FGF14: variants seen among roughly 807,000 people sequenced by gnomAD.
FGF14 encodes fibroblast growth factor homologous factor 4.
A neutral mutation model predicts 25.5 loss-of-function variants in FGF14; 5 were observed. The observed-to-expected ratio is 0.20, with a 90% CI of 0.10 to 0.41. The LOEUF is 0.41. Ranked by LOEUF, FGF14 falls within the 10% of genes least tolerant of loss-of-function variation. The pLI is 1.00. For synonymous variants in FGF14, 138 were observed against 118.3 expected (o/e 1.17, Z -1.08); for missense variants, 222 against 320.1 (o/e 0.69, Z 2.34).
At chr13:102,348,799 T>C (rs568174446) in intron 1 of FGF14, among the ~76,000 whole-genome samples, 7 of 152,272 alleles carry the variant, frequency 4.6e-5, no homozygotes, top group South Asian at 2.1e-4. Context: ...TAGCCGGGTG[T>C]TGGGTTTGTA....
chr13:101,860,106 T>C (rs1162196736), intron 3 of FGF14, among the ~76,000 whole-genome samples: 1 of 152,100 alleles, frequency 6.6e-6, no homozygotes, highest in Admixed American at 6.6e-5. Context: ...GATTTCTCCT[T>C]TGAGCTTTAC....
At chr13:102,216,826 A>T (rs2050395125) in intron 1 of FGF14, among the ~76,000 whole-genome samples, 3 of 152,114 alleles carry the variant, frequency 2.0e-5, no homozygotes, top group African/African-American at 4.8e-5. Flanking sequence ...GACCCTCCCT[A>T]GCCTCTAGCA....
At chr13:101,787,373 G>A (rs768857446) in intron 3 of FGF14, among the ~76,000 whole-genome samples, 6 of 152,174 alleles carry the variant, frequency 3.9e-5, no homozygotes, top group Non-Finnish European at 7.4e-5. Context: ...ATGAACCGCT[G>A]TTTTATCCTT....
intron 1 of FGF14, among the ~76,000 whole-genome samples, chr13:102,254,135 G>T (rs2052330744): frequency 6.6e-6 from 1 of 152,182 alleles, no homozygotes; most frequent in South Asian, 2.1e-4. Flanking sequence ...TGGAAAAACT[G>T]CTCATTAAGT....
At chr13:102,075,276 A>G (rs1218676931) in intron 1 of FGF14, among the ~76,000 whole-genome samples, 2 of 152,252 alleles carry the variant, frequency 1.3e-5, no homozygotes, top group East Asian at 3.8e-4. Flanking sequence ...TATGCTAACT[A>G]TGAACTATCA....
At chr13:102,059,521 T>C (rs971659575) in intron 1 of FGF14, among the ~76,000 whole-genome samples, 2 of 152,224 alleles carry the variant, frequency 1.3e-5, no homozygotes, top group Admixed American at 6.5e-5. Context: ...TATGCAAGTC[T>C]TCTAAATAAT....
chr13:102,161,629 A>AT lies in FGF14; in HGVS notation c.208+239841_208+239842insA. ...GAAGAAGAAGAAGAAGAAGAAGAAG[A>AT]AGAAGAAGAAGAAGAAGAAGAAGAA... On this transcript the variant is annotated intron_variant, in intron 1 of 4. Coordinates refer to the FGF14 transcript ENST00000376131. 2.4e-3 allele frequency among the ~76,000 whole-genome samples: 21 copies of AT among 8,706 alleles called. 3 individuals are homozygous for AT. The highest frequency in any genetic ancestry group is 0.014 in the African/African-American group (18 of 1,320). 5.7% of individuals were successfully genotyped at this position (8,706 alleles called of 152,430 possible).
chr13:102,074,436 T>C (rs2043278234), intron 1 of FGF14, among the ~76,000 whole-genome samples: 1 of 152,174 alleles, frequency 6.6e-6, no homozygotes, highest in Admixed American at 6.5e-5. Flanking sequence ...TATTGACACC[T>C]GGAAAAATAC....
chr13:101,728,541 T>A (rs943653194), intron 3 of FGF14, among the ~76,000 whole-genome samples: 1 of 152,040 alleles, frequency 6.6e-6, no homozygotes, highest in Admixed American at 6.6e-5. Flanking sequence ...TTATTGTGAG[T>A]AAAACAAAAT....
intron 3 of FGF14, among the ~76,000 whole-genome samples, chr13:101,729,479 GA>G (rs1209797326): frequency 2.6e-5 from 4 of 152,094 alleles, no homozygotes; most frequent in African/African-American, 9.7e-5. Flanking sequence ...ATCACCTGTG[GA>G]GGCAGACAGT....
chr13:102,392,753 G>A (rs1461689184), intron 1 of FGF14, among the ~76,000 whole-genome samples: 1 of 152,104 alleles, frequency 6.6e-6, no homozygotes, highest in East Asian at 1.9e-4. Context: ...TGGCCACTAA[G>A]ATGGATGGAC....
intron 1 of FGF14, among the ~76,000 whole-genome samples, chr13:101,997,942 AAC>A (rs1378973422): frequency 6.6e-6 from 1 of 152,166 alleles, no homozygotes; most frequent in Non-Finnish European, 1.5e-5. Context: ...TAGATAGCAA[AAC>A]AGTTACTACA....
chr13:102,124,381 A>C (rs1424519683), intron 1 of FGF14, among the ~76,000 whole-genome samples: 1 of 151,996 alleles, frequency 6.6e-6, no homozygotes, highest in Non-Finnish European at 1.5e-5. Flanking sequence ...AGATGATTAT[A>C]CTCTTAAGAG....
intron 1 of FGF14, among the ~76,000 whole-genome samples, chr13:101,888,707 C>A (rs1216606909): frequency 6.6e-6 from 1 of 152,148 alleles, no homozygotes; most frequent in Admixed American, 6.6e-5. Context: ...ATGAGCATCT[C>A]CCTGATCAAC....
At chr13:102,287,686 A>C (rs543377467) in intron 1 of FGF14, among the ~76,000 whole-genome samples, 49 of 152,348 alleles carry the variant, frequency 3.2e-4, no homozygotes, top group African/African-American at 1.2e-3. Context: ...AATAAAATAT[A>C]TCACATGAAA....
intron 1 of FGF14, among the ~76,000 whole-genome samples, chr13:102,258,086 G>A (rs2052535436): frequency 6.6e-6 from 1 of 152,174 alleles, no homozygotes; most frequent in Non-Finnish European, 1.5e-5. Context: ...AAGAGAGAAT[G>A]AGAGCCAAAC....
At chr13:102,110,822 T>C (rs1386260496) in intron 1 of FGF14, among the ~76,000 whole-genome samples, 1 of 152,160 alleles carries the variant, frequency 6.6e-6, no homozygotes, top group African/African-American at 2.4e-5. Context: ...TACCCTGCAA[T>C]TGTTTCCTTT....
intron 1 of FGF14, among the ~76,000 whole-genome samples, chr13:102,279,218 G>T (rs932568358): frequency 6.6e-6 from 1 of 151,656 alleles, no homozygotes; most frequent in Non-Finnish European, 1.5e-5. Flanking sequence ...ATAGATGATA[G>T]ATTTAATAAG....
intron 3 of FGF14, among the ~76,000 whole-genome samples, chr13:101,741,435 A>T (rs965832360): frequency 6.6e-6 from 1 of 152,202 alleles, no homozygotes; most frequent in Non-Finnish European, 1.5e-5. Flanking sequence ...TGTTATTTCC[A>T]TAGGAAACCA....
Sources: gnomAD v4.1 joint callset for allele counts (sites outside exome capture counted in the v4.1 genomes callset) on GRCh38, gnomAD v4.1.1 for gene constraint, MANE v1.5 for transcripts, NCBI Gene and HGNC (gene_info 2026-07-23, HGNC 2026-07-21) for gene names.